The following NRXN1 variants were observed in gnomAD, a reference collection of about 807,000 sequenced individuals.
NRXN1 encodes neurexin-1.
NRXN1 carries 39 observed loss-of-function variants against 150.9 expected under a neutral mutation model. The observed-to-expected ratio is 0.26, with a 90% CI of 0.20 to 0.34. The LOEUF is 0.34. NRXN1 is among the 10% of genes least tolerant of loss of function. The pLI is 1.00. For synonymous variants in NRXN1, 924 were observed against 757.0 expected (o/e 1.22, Z -3.62); for missense variants, 1,815 against 1,949.9 (o/e 0.93, Z 1.30).
intron 5 of NRXN1, among the ~76,000 whole-genome samples, chr2:50,755,735 T>G (rs1701091033): frequency 6.6e-6 from 1 of 151,846 alleles, no homozygotes; most frequent in Non-Finnish European, 1.5e-5. Context: ...ACATTTAAAC[T>G]AACAATAAGA....
chr2:50,364,727 G>A (rs1004379022), intron 17 of NRXN1, among the ~76,000 whole-genome samples: 11 of 152,092 alleles, frequency 7.2e-5, no homozygotes, highest in African/African-American at 2.7e-4. Context: ...GTAAAGGTGG[G>A]TCTTTTCTCT....
chr2:50,591,858 T>G (rs1025846327), intron 8 of NRXN1, among the ~76,000 whole-genome samples: 1 of 152,234 alleles, frequency 6.6e-6, no homozygotes, highest in African/African-American at 2.4e-5. Context: ...CTTCCTTCCC[T>G]TGGCTATTAA....
intron 2 of NRXN1, among the ~76,000 whole-genome samples, chr2:51,025,395 C>A (rs896165251): frequency 3.4e-4 from 51 of 152,144 alleles, no homozygotes; most frequent in African/African-American, 1.2e-3. Context: ...TTCTCTTTAA[C>A]AAATTACTTT....
chr2:50,384,292 G>A (rs544398253), intron 17 of NRXN1, among the ~76,000 whole-genome samples: 81 of 152,026 alleles, frequency 5.3e-4, no homozygotes, highest in Admixed American at 9.2e-4. Flanking sequence ...GGATCACGAG[G>A]TCAGGAGATT....
chr2:50,837,831 T>G (rs566646352), intron 5 of NRXN1, among the ~76,000 whole-genome samples: 1 of 152,168 alleles, frequency 6.6e-6, no homozygotes, highest in African/African-American at 2.4e-5. Flanking sequence ...AATAACAATT[T>G]AGTTTTATTA....
rs372849856 is a variant in NRXN1 at position 50,568,795 on chromosome 2, A to G, written c.1321-15770T>C. On this transcript the variant is annotated intron_variant, in intron 8 of 22. Transcript: ENST00000401669. Reference sequence around the variant, plus strand: ...GATCCAGCAACCCACTAGTATATATATACCTCAAAGAAAGGAAATCAATAT... The same window carrying G: ...GATCCAGCAACCCACTAGTATATATGTACCTCAAAGAAAGGAAATCAATAT... Among the ~76,000 whole-genome samples, 4 of 152,286 alleles carry G rather than the reference A, an allele frequency of 2.6e-5. No homozygotes were observed. The East Asian group carries it at 5.8e-4, about 22-fold the overall frequency.
intron 15 of NRXN1, among the ~76,000 whole-genome samples, chr2:50,477,399 T>C (rs529146372): frequency 2.8e-4 from 42 of 152,300 alleles, no homozygotes; most frequent in African/African-American, 9.9e-4. Flanking sequence ...AGGAACATCC[T>C]AGAGGAATCC....
At chr2:50,426,538 T>C (rs1429295325) in intron 17 of NRXN1, among the ~76,000 whole-genome samples, 2 of 152,206 alleles carry the variant, frequency 1.3e-5, no homozygotes, top group Non-Finnish European at 2.9e-5. Flanking sequence ...TCCCAGTACA[T>C]GGTGACATGT....
intron 17 of NRXN1, among the ~76,000 whole-genome samples, chr2:50,324,018 C>A (rs2076219336): frequency 6.6e-6 from 1 of 152,192 alleles, no homozygotes; most frequent in Non-Finnish European, 1.5e-5. Flanking sequence ...ACTACGTAAA[C>A]ATATAAAGCT....
At chr2:49,922,455 T>C (rs1013056678) in intron 22 of NRXN1, among the ~76,000 whole-genome samples, 7 of 152,210 alleles carry the variant, frequency 4.6e-5, no homozygotes, top group African/African-American at 1.7e-4. Context: ...GATTTGTTGC[T>C]GTGTCTTCTT....
At chr2:50,603,677 T>A (rs866697056) in intron 8 of NRXN1, among the ~76,000 whole-genome samples, 1 of 152,180 alleles carries the variant, frequency 6.6e-6, no homozygotes, top group African/African-American at 2.4e-5. Context: ...AAGAAATTTA[T>A]ATAAAAATGT....
intron 21 of NRXN1, 133 bp from the exon 22 acceptor site, chr2:49,943,924 A>G (rs2104383741): frequency 1.4e-6 from 1 of 729,394 alleles, no homozygotes. Flanking sequence ...CTAAAGACAC[A>G]GAGCTTACAT....
At chr2:50,446,103 G>T (rs1416992240) in intron 17 of NRXN1, among the ~76,000 whole-genome samples, 3 of 151,454 alleles carry the variant, frequency 2.0e-5, no homozygotes, top group African/African-American at 7.3e-5. Context: ...AGCACATAAG[G>T]TAACTTTGTG....
chr2:50,290,347 G>A (rs1189132518), intron 17 of NRXN1, among the ~76,000 whole-genome samples: 1 of 152,134 alleles, frequency 6.6e-6, no homozygotes, highest in Non-Finnish European at 1.5e-5. Context: ...GGTTTGCTTT[G>A]CATGAGTTGT....
intron 17 of NRXN1, among the ~76,000 whole-genome samples, chr2:50,328,709 C>T (rs1226837071): frequency 6.6e-6 from 1 of 152,084 alleles, no homozygotes; most frequent in Non-Finnish European, 1.5e-5. Flanking sequence ...GAACTCCAGC[C>T]CAGGCAACAG....
chr2:50,770,929 A>G (rs1004898765), intron 5 of NRXN1, among the ~76,000 whole-genome samples: 3 of 152,124 alleles, frequency 2.0e-5, no homozygotes, highest in Admixed American at 2.0e-4. Context: ...ATTCCAGGGT[A>G]AAATGTAAGG....
chr2:50,657,168 T>C (rs557468340), intron 5 of NRXN1, among the ~76,000 whole-genome samples: 73 of 151,992 alleles, frequency 4.8e-4, no homozygotes, highest in Non-Finnish European at 8.1e-4. Context: ...TCTTCAATAC[T>C]ACCCTAAAGC....
chr2:50,649,733 A>T (rs1347474062), intron 5 of NRXN1, among the ~76,000 whole-genome samples: 1 of 151,996 alleles, frequency 6.6e-6, no homozygotes, highest in Non-Finnish European at 1.5e-5. Flanking sequence ...ATTGTCTGAA[A>T]ATTGTTACAC....
rs149208532 is a variant in NRXN1 at position 50,617,697 on chromosome 2, G to C, written c.1320+2325C>G. ...AGTGAATCCTCCTTTTATGAGTTTA[G>C]CCACTGTGAACTAACATGTCACTTG... On this transcript the variant is annotated intron_variant, in intron 8 of 22. Coordinates refer to ENST00000401669, the MANE Select transcript of NRXN1 (RefSeq NM_001330078.2). Among the ~76,000 whole-genome samples, 738 of 152,192 alleles carry C rather than the reference G, an allele frequency of 4.8e-3. 13 individuals carry two copies. The highest frequency in any genetic ancestry group is 0.035 in the Admixed American group (528 of 15,274).
Sources: gnomAD v4.1 joint callset for allele counts (sites outside exome capture counted in the v4.1 genomes callset) on GRCh38, gnomAD v4.1.1 for gene constraint, MANE v1.5 for transcripts, NCBI Gene and HGNC (gene_info 2026-07-23, HGNC 2026-07-21) for gene names.